P2RX3: variants seen among roughly 807,000 people sequenced by gnomAD.
The protein encoded by P2RX3 is P2X purinoceptor 3.
In P2RX3, 41 loss-of-function variants were observed where a neutral mutation model predicts 51.5. That is an observed-to-expected ratio of 0.80 (90% CI 0.62 to 1.03). P2RX3 has a LOEUF of 1.03. Ranked by LOEUF, P2RX3 falls within the 50% of genes least tolerant of loss-of-function variation. The pLI is 0.00. For synonymous variants in P2RX3, 185 were observed against 191.6 expected (o/e 0.97, Z 0.29); for missense variants, 459 against 522.1 (o/e 0.88, Z 1.18).
chr11:57,338,586 C>G lies in P2RX3; in HGVS notation c.36C>G (p.Thr12=). 1 of 1,595,662 alleles carries G rather than the reference C, an allele frequency of 6.3e-7. No homozygotes were observed. Among genetic ancestry groups the G allele is most frequent in the Non-Finnish European group, 8.6e-7 (1 of 1,164,950 alleles). ...NCISDFFTYE[T]TKSVVVKSWT... Reference sequence around the variant, plus strand: ...TATCCGACTTCTTCACCTATGAGACCACCAAGTCGGTGGTTGTGAAGAGCT... The same window carrying G: ...TATCCGACTTCTTCACCTATGAGACGACCAAGTCGGTGGTTGTGAAGAGCT... The change falls in exon 1 of 12, where the codon ACC becomes ACG. Residue 12 remains threonine, a synonymous_variant. Transcript: ENST00000263314.
chr11:57,337,338 G>GGA (rs1856248739), upstream of P2RX3, among the ~76,000 whole-genome samples: 2 of 28,712 alleles, frequency 7.0e-5, no homozygotes, highest in Admixed American at 4.2e-4. Context: ...AAAAGGAAGG[G>GGA]AAGGAAAGAA....
intron 7 of P2RX3, 34 bp from the exon 8 acceptor site, chr11:57,350,728 G>A (rs200854727): frequency 1.6e-5 from 26 of 1,611,212 alleles, no homozygotes; most frequent in Non-Finnish European, 2.0e-5. Flanking sequence ...GTCAGAGGGC[G>A]AGGGGAAAGC....
intron 11 of P2RX3, 132 bp downstream of exon 11, chr11:57,369,570 T>C (rs1260081766): frequency 1.2e-6 from 1 of 851,222 alleles, no homozygotes. Context: ...ATATTTGGGG[T>C]CCAGACAAGG....
rs1257085197 is a variant in P2RX3 at position 57,370,680 on chromosome 11, G to T, written c.*683G>T. 2.0e-5 allele frequency: 3 copies of T among 152,254 alleles called. No individual in the cohort carries two copies. Among genetic ancestry groups the T allele is most frequent in the Non-Finnish European group, 4.4e-5 (3 of 68,062 alleles). The allele number at this position is 152,254 out of a possible 1,614,324, so 9.4% of individuals were successfully genotyped here. On this transcript the variant is annotated 3_prime_UTR_variant, in exon 12 of 12. Transcript: ENST00000263314. ...GAGGGACCCCATCTCTGACTTGGGT[G>T]CATCCCAAATTTAGAAGGAAACAGA...
rs1399991098 is a variant in P2RX3 at position 57,368,066 on chromosome 11, T to C, written c.900T>C (p.Ala300=). The change falls in exon 9 of 12, where the codon GCT becomes GCC. Residue 300 remains alanine (A), a synonymous_variant. Transcript: ENST00000263314. ...GTGAGTACCGCACCCTCCTGAAGGCTTTTGGCATCCGCTTCGACGTGCTGG... is the reference window on the plus strand; with the variant it reads ...GTGAGTACCGCACCCTCCTGAAGGCCTTTGGCATCCGCTTCGACGTGCTGG... The part of the protein sequence containing the change: ...NGSEYRTLLK[A]FGIRFDVLVY... The C allele has an allele frequency of 6.2e-7, 1 of 1,614,110 alleles. No homozygotes were observed. The highest frequency in any genetic ancestry group is 2.2e-5 in the East Asian group (1 of 44,868).
intron 1 of P2RX3, among the ~76,000 whole-genome samples, chr11:57,344,387 G>A (rs545465025): frequency 3.9e-5 from 6 of 152,234 alleles, no homozygotes; most frequent in African/African-American, 1.2e-4. Flanking sequence ...CCATGAATAC[G>A]TACAATTATT....
At chr11:57,337,637 G>GGGT (rs1565058453), upstream of P2RX3, among the ~76,000 whole-genome samples, 1 of 152,174 alleles carries the variant, frequency 6.6e-6, no homozygotes, top group Non-Finnish European at 1.5e-5. Context: ...CTTGGACACA[G>GGGT]GGTGGGGAAC....
At chr11:57,343,500 C>G (rs1482145490) in intron 1 of P2RX3, among the ~76,000 whole-genome samples, 1 of 152,228 alleles carries the variant, frequency 6.6e-6, no homozygotes, top group Non-Finnish European at 1.5e-5. Context: ...GACATACCAG[C>G]TTTGCAATCC....
chr11:57,355,633 G>C (rs1462158142), intron 8 of P2RX3, among the ~76,000 whole-genome samples: 1 of 152,098 alleles, frequency 6.6e-6, no homozygotes, highest in Non-Finnish European at 1.5e-5. Flanking sequence ...GAGCTACCAC[G>C]CCTAGCCAGG....
upstream of P2RX3, among the ~76,000 whole-genome samples, chr11:57,337,411 C>A (rs2134399369): frequency 8.8e-6 from 1 of 114,074 alleles, no homozygotes; most frequent in Non-Finnish European, 1.9e-5. Flanking sequence ...CATAATCTAA[C>A]AAATGACTTT....
chr11:57,339,725 G>A (rs1048074378), intron 1 of P2RX3, among the ~76,000 whole-genome samples: 1 of 152,228 alleles, frequency 6.6e-6, no homozygotes, highest in Non-Finnish European at 1.5e-5. Flanking sequence ...ATTTGAGGCA[G>A]CAATCCACTG....
At chr11:57,337,760 A>G (rs2134399980), upstream of P2RX3, among the ~76,000 whole-genome samples, 1 of 152,366 alleles carries the variant, frequency 6.6e-6, no homozygotes, top group Middle Eastern at 3.4e-3. Context: ...GCAACACACC[A>G]ACATGGCACA....
intron 1 of P2RX3, among the ~76,000 whole-genome samples, chr11:57,339,518 T>TACACAC (rs10685137): frequency 1.3e-4 from 19 of 150,412 alleles, no homozygotes; most frequent in African/African-American, 3.9e-4. Flanking sequence ...AGCACACACC[T>TACACAC]ACACACACAC....
chr11:57,341,137 G>A (rs1419050022), intron 1 of P2RX3, among the ~76,000 whole-genome samples: 1 of 152,128 alleles, frequency 6.6e-6, no homozygotes, highest in Non-Finnish European at 1.5e-5. Flanking sequence ...GAGAGAGACA[G>A]ACACGATGAG....
chr11:57,346,554 T>A lies in P2RX3; in HGVS notation c.130T>A (p.Leu44Met). 6.2e-7 allele frequency: 1 copy of A among 1,614,132 alleles called. No homozygotes were observed. The highest frequency in any genetic ancestry group is 2.2e-5 in the East Asian group (1 of 44,868). Residue 44 changes from leucine to methionine, a missense_variant, in exon 2 of 12, where the codon TTG (leucine) becomes ATG (methionine). Coordinates refer to ENST00000263314, the MANE Select transcript of P2RX3 (RefSeq NM_002559.5). Reference protein sequence around the residue: ...IISYFVGWVFLHEKAYQVRDT... With the variant: ...IISYFVGWVFMHEKAYQVRDT... ...GCTCTCCTGCCCCAGGTGGGTTTTC[T>A]TGCACGAGAAGGCTTACCAGGTACG... is the stretch of plus-strand genomic sequence containing the variant.
intron 8 of P2RX3, among the ~76,000 whole-genome samples, chr11:57,361,255 C>T (rs1856713570): frequency 6.6e-6 from 1 of 152,062 alleles, no homozygotes; most frequent in Non-Finnish European, 1.5e-5. Flanking sequence ...CCTTTTAACT[C>T]TCCATCCTTC....
intron 8 of P2RX3, among the ~76,000 whole-genome samples, chr11:57,353,125 C>A (rs1218508105): frequency 1.3e-5 from 2 of 152,216 alleles, no homozygotes; most frequent in African/African-American, 4.8e-5. Flanking sequence ...TGGGAGGCTG[C>A]AAAGCTGTCT....
At chr11:57,364,450 G>A (rs74574157) in intron 8 of P2RX3, among the ~76,000 whole-genome samples, 2,811 of 152,282 alleles carry the variant, frequency 0.018, 36 homozygotes, top group Middle Eastern at 0.034. Flanking sequence ...CTCAACAACA[G>A]TATAGTCTTC....
intron 1 of P2RX3, among the ~76,000 whole-genome samples, chr11:57,340,374 G>A (rs942877981): frequency 1.3e-5 from 2 of 152,208 alleles, no homozygotes; most frequent in Non-Finnish European, 2.9e-5. Flanking sequence ...GCGAGTGTGC[G>A]AAGCTCTTTA....
Sources: gnomAD v4.1 joint callset for allele counts (sites outside exome capture counted in the v4.1 genomes callset) on GRCh38, gnomAD v4.1.1 for gene constraint, MANE v1.5 for transcripts, NCBI Gene and HGNC (gene_info 2026-07-23, HGNC 2026-07-21) for gene names.